Variants in PCDHA4 observed in about 807,000 individuals in gnomAD.
PCDHA4 encodes the protein protocadherin alpha-4.
PCDHA4 carries 49 observed loss-of-function variants against 61.4 expected under a neutral mutation model. The observed-to-expected ratio is 0.80, with a 90% CI of 0.63 to 1.01. The LOEUF (loss-of-function observed/expected upper bound fraction) is 1.01, where lower values mean the gene tolerates loss of function less well. Among genes scored for constraint, PCDHA4 ranks in the 50% least tolerant of loss-of-function variants. The pLI is 0.00. For missense variants in PCDHA4, 1,254 were observed against 1,235.8 expected, an observed-to-expected ratio of 1.01 and a Z score of -0.22; for synonymous variants, 590 against 550.3, an observed-to-expected ratio of 1.07 and a Z score of -1.01.
Position 140,851,540 on chromosome 5 carries a change from T to C in PCDHA4, c.2385+41968T>C, listed in dbSNP as rs374686932. 3.9e-5 allele frequency: 35 copies of C among 908,070 alleles called. 3 individuals carry two copies. The East Asian group carries it at 1.2e-3, about 30-fold the overall frequency. 56.3% of individuals were successfully genotyped at this position (908,070 alleles called of 1,614,324 possible). A position where few individuals can be genotyped will look rare whatever the true frequency, so the allele number is the denominator to read the frequency against. On this transcript the variant is annotated intron_variant, in intron 1 of 3. Coordinates refer to ENST00000530339, the MANE Select transcript of PCDHA4 (RefSeq NM_018907.4). ...TTAAAATGCCTGACAATGTAGATAA[T>C]TCAAGAAATGTTGACTGAAATTTTG...
intron 1 of PCDHA4, among the ~76,000 whole-genome samples, chr5:140,962,908 C>G (rs2095718284): frequency 1.3e-5 from 2 of 152,146 alleles, no homozygotes. Context: ...AGCTCCTTCC[C>G]TATTTGACAG....
intron 1 of PCDHA4, chr5:140,871,324 T>G (rs1554165430): frequency 3.1e-6 from 5 of 1,614,048 alleles, no homozygotes; most frequent in Non-Finnish European, 4.2e-6. Flanking sequence ...GCTGGTGTGC[T>G]CCCGCGCGGT....
At chr5:140,892,891 C>T (rs563104545) in intron 1 of PCDHA4, among the ~76,000 whole-genome samples, 1 of 152,264 alleles carries the variant, frequency 6.6e-6, no homozygotes, top group South Asian at 2.1e-4. Context: ...ATTAACCAAC[C>T]TTTCCCCATC....
At chr5:140,884,148 A>G in intron 1 of PCDHA4, 3 of 1,613,432 alleles carry the variant, frequency 1.9e-6, no homozygotes, top group Non-Finnish European at 2.5e-6. Context: ...GTGGGGCTGT[A>G]CACTGGCGAG....
rs190283736 is a variant in PCDHA4 at position 140,986,671 on chromosome 5, A to G, written c.2533+4108A>G. 1.7e-3 allele frequency among the ~76,000 whole-genome samples: 261 copies of G among 152,322 alleles called. 3 individuals carry two copies. The highest frequency in any genetic ancestry group is 2.2e-4 in the Non-Finnish European group (15 of 68,018). ...GTGGGAGATGCTCACAGTTTTCAGA[A>G]GAGTTCAGAAAGTTTCAAAACACAC... On this transcript the variant is annotated intron_variant, in intron 3 of 3. Coordinates refer to ENST00000530339, the MANE Select transcript of PCDHA4 (RefSeq NM_018907.4).
At chr5:140,882,698 G>T in intron 1 of PCDHA4, 1 of 1,614,200 alleles carries the variant, frequency 6.2e-7, no homozygotes, top group Non-Finnish European at 8.5e-7. Context: ...AATCATTGCA[G>T]AATCTAGACC....
intron 1 of PCDHA4, chr5:140,842,822 G>A (rs2150345251): frequency 1.9e-6 from 3 of 1,593,810 alleles, no homozygotes; most frequent in South Asian, 2.2e-5. Context: ...GCGGGTGGGC[G>A]AGCGCTCGCT....
At position 140,997,829 on chromosome 5, in the gene PCDHA4, C is replaced by G. The variant is rs1294994549; in HGVS notation, c.2534-11798C>G. On this transcript the variant is annotated intron_variant, in intron 3 of 3. Transcript: ENST00000530339. ...GCTGTTGGTATCTATGTTTTCTAAA[C>G]AATACAATATACATTCTTATACATA... 2.0e-5 allele frequency among the ~76,000 whole-genome samples: 3 copies of G among 152,190 alleles called. No homozygotes were observed. The East Asian group carries it at 5.8e-4, about 29-fold the overall frequency.
rs554327220 is a variant in PCDHA4 at position 140,980,560 on chromosome 5, G to T, written c.2444+1553G>T. Reference sequence around the variant, plus strand: ...CAGGAGAATCGCTTGAACCCGGGAGGCGGAAGTTGCAGTGAGCCAAGATCG... The same window carrying T: ...CAGGAGAATCGCTTGAACCCGGGAGTCGGAAGTTGCAGTGAGCCAAGATCG... On this transcript the variant is annotated intron_variant, in intron 2 of 3. Coordinates refer to ENST00000530339, the MANE Select transcript of PCDHA4 (RefSeq NM_018907.4). Among the ~76,000 whole-genome samples the T allele has an allele frequency of 1.6e-4, 25 of 152,244 alleles. No individual in the cohort carries two copies. The East Asian group carries it at 4.6e-3, about 28-fold the overall frequency.
At chr5:140,858,318 G>T in intron 1 of PCDHA4, 1 of 1,597,070 alleles carries the variant, frequency 6.3e-7, no homozygotes, top group Non-Finnish European at 8.6e-7. Context: ...CAGAGGGTGT[G>T]TTCTGGGGAG....
At chr5:140,999,836 A>G (rs1554257003) in intron 3 of PCDHA4, among the ~76,000 whole-genome samples, 1 of 152,210 alleles carries the variant, frequency 6.6e-6, no homozygotes, top group African/African-American at 2.4e-5. Flanking sequence ...AAAATATGCC[A>G]AGTGTATTTA....
chr5:141,007,935 C>G (rs2098352677), intron 3 of PCDHA4, among the ~76,000 whole-genome samples: 1 of 152,176 alleles, frequency 6.6e-6, no homozygotes, highest in African/African-American at 2.4e-5. Flanking sequence ...GAATTCTAAG[C>G]CACCTTTTTG....
chr5:140,930,377 T>C (rs1480359985), intron 1 of PCDHA4: 1 of 152,198 alleles, frequency 6.6e-6, no homozygotes, highest in Non-Finnish European at 1.5e-5. Flanking sequence ...TAGTGGCCCT[T>C]GGCATTTCAA....
intron 1 of PCDHA4, among the ~76,000 whole-genome samples, chr5:140,973,118 G>T (rs1554234897): frequency 1.3e-5 from 2 of 152,168 alleles, no homozygotes; most frequent in Non-Finnish European, 2.9e-5. Context: ...TAGCAGAGAT[G>T]AATTAAGTTT....
intron 1 of PCDHA4, among the ~76,000 whole-genome samples, chr5:140,838,972 A>G (rs1775978253): frequency 6.6e-6 from 1 of 151,966 alleles, no homozygotes; most frequent in African/African-American, 2.4e-5. Flanking sequence ...AGAACTGACA[A>G]TTTTCACTGT....
intron 1 of PCDHA4, chr5:140,930,576 T>C (rs1554207933): frequency 1.3e-5 from 2 of 152,582 alleles, no homozygotes; most frequent in Non-Finnish European, 2.9e-5. Flanking sequence ...TCTACGGTAT[T>C]ACTTTTTGAC....
intron 1 of PCDHA4, chr5:140,824,439 T>C (rs1488626108): frequency 1.0e-5 from 5 of 480,500 alleles, no homozygotes; most frequent in Admixed American, 3.9e-5. Flanking sequence ...AAGTTTCAGT[T>C]TATGACTACA....
intron 3 of PCDHA4, among the ~76,000 whole-genome samples, chr5:140,988,734 T>C (rs2097310672): frequency 1.3e-5 from 2 of 152,212 alleles, no homozygotes. Context: ...ATAGTAATTA[T>C]TCTAGGATTG....
At chr5:140,936,340 C>T (rs1346812812) in intron 1 of PCDHA4, among the ~76,000 whole-genome samples, 1 of 152,102 alleles carries the variant, frequency 6.6e-6, no homozygotes, top group Non-Finnish European at 1.5e-5. Flanking sequence ...TCTCTATCTG[C>T]ATATATGGAA....
Sources: allele counts gnomAD v4.1 joint callset (sites outside exome capture counted in the v4.1 genomes callset), GRCh38; gene constraint gnomAD v4.1.1; transcripts MANE v1.5; gene names NCBI Gene and HGNC (gene_info 2026-07-23, HGNC 2026-07-21).